The following SRGAP2C variants were observed in gnomAD, a reference collection of about 807,000 sequenced individuals.
SRGAP2C encodes the protein SLIT-ROBO Rho GTPase activating protein 2C, also known as SLIT-ROBO Rho GTPase-activating protein 2C.
A neutral mutation model predicts 25.1 loss-of-function variants in SRGAP2C; 15 were observed. That is an observed-to-expected ratio of 0.60 (90% CI 0.40 to 0.92). The LOEUF is 0.92. Among genes scored for constraint, SRGAP2C ranks in the 40% least tolerant of loss-of-function variants. The probability of loss-of-function intolerance (pLI) is 0.00; values close to 1 mark genes in which losing one functional copy is unlikely to be tolerated. For synonymous variants in SRGAP2C, 44 were observed against 96.6 expected, an observed-to-expected ratio of 0.46 and a Z score of 3.19; for missense variants, 144 against 264.4, an observed-to-expected ratio of 0.54 and a Z score of 3.16.
intron 2 of SRGAP2C, among the ~76,000 whole-genome samples, chr1:121,206,278 A>G (rs1655106779): frequency 6.6e-6 from 1 of 152,054 alleles, no homozygotes; most frequent in African/African-American, 2.4e-5. Flanking sequence ...GCAGCCTGTC[A>G]TTTCAACATT....
At chr1:121,283,920 A>T (rs1657305675) in intron 2 of SRGAP2C, among the ~76,000 whole-genome samples, 1 of 146,888 alleles carries the variant, frequency 6.8e-6, no homozygotes, top group South Asian at 2.2e-4. Flanking sequence ...TTCCAGAGAG[A>T]GTGTTTGCTA....
At chr1:121,196,188 C>T (rs1222453866) in intron 2 of SRGAP2C, among the ~76,000 whole-genome samples, 1 of 49,650 alleles carries the variant, frequency 2.0e-5, no homozygotes, top group Non-Finnish European at 3.6e-5. Context: ...GAGGCTGAGG[C>T]AGGAGAATGG....
chr1:121,265,772 T>C lies in SRGAP2C; in HGVS notation c.68-19031T>C, dbSNP rs1327102728. Reference sequence around the variant, plus strand: ...CTAACAGTTACAAAGCCAATTTGGATATGTTTATCTCTATATCTTATGTCT... The same window carrying C: ...CTAACAGTTACAAAGCCAATTTGGACATGTTTATCTCTATATCTTATGTCT... On this transcript the variant is annotated intron_variant, in intron 2 of 9. Transcript: ENST00000367123. Among the ~76,000 whole-genome samples the C allele has an allele frequency of 8.4e-4, 127 of 152,010 alleles. 3 individuals carry two copies. The highest frequency in any genetic ancestry group is 3.0e-3 in the African/African-American group (123 of 41,524).
intron 2 of SRGAP2C, among the ~76,000 whole-genome samples, chr1:121,223,351 T>G (rs1655581769): frequency 1.5e-5 from 1 of 64,832 alleles, no homozygotes; most frequent in Non-Finnish European, 2.9e-5. Flanking sequence ...TGGGAGGAGT[T>G]TGTGTGTGTG....
intron 2 of SRGAP2C, among the ~76,000 whole-genome samples, chr1:121,201,654 C>T (rs1553321715): frequency 2.6e-5 from 4 of 152,222 alleles, no homozygotes; most frequent in Non-Finnish European, 1.5e-5. Context: ...AAAATGATCT[C>T]ATGTTTATGA....
intron 3 of SRGAP2C, among the ~76,000 whole-genome samples, chr1:121,294,650 T>C (rs1235598558): frequency 1.9e-5 from 2 of 103,036 alleles, no homozygotes; most frequent in African/African-American, 6.9e-5. Flanking sequence ...GCTCACTTGG[T>C]TTTGATCTCC....
At chr1:121,262,820 T>G (rs587595926) in intron 2 of SRGAP2C, among the ~76,000 whole-genome samples, 1 of 151,476 alleles carries the variant, frequency 6.6e-6, no homozygotes, top group Non-Finnish European at 1.5e-5. Context: ...GGTTTTTTTT[T>G]CTAAAATTTG....
intron 2 of SRGAP2C, among the ~76,000 whole-genome samples, chr1:121,262,998 C>A (rs1290267302): frequency 1.3e-5 from 2 of 151,588 alleles, no homozygotes; most frequent in Non-Finnish European, 2.9e-5. Context: ...ACCTGGAGAC[C>A]TGTAAAATAA....
At chr1:121,294,715 G>T (rs1657560973) in intron 3 of SRGAP2C, among the ~76,000 whole-genome samples, 1 of 133,646 alleles carries the variant, frequency 7.5e-6, no homozygotes, top group Non-Finnish European at 1.6e-5. Flanking sequence ...TGAGTTTTTA[G>T]AGCAATACTT....
intron 4 of SRGAP2C, among the ~76,000 whole-genome samples, chr1:121,339,257 T>G (rs1658592746): frequency 7.0e-6 from 1 of 142,958 alleles, no homozygotes; most frequent in Non-Finnish European, 1.5e-5. Context: ...GTTGTCTTTT[T>G]TTTTTTTTTT....
chr1:121,345,598 T>C (rs1265988744), intron 4 of SRGAP2C, among the ~76,000 whole-genome samples: 1 of 151,632 alleles, frequency 6.6e-6, no homozygotes, highest in Non-Finnish European at 1.5e-5. Context: ...GGGGAAAATA[T>C]CACATTTTTT....
At chr1:121,258,127 T>C (rs1362252304) in intron 2 of SRGAP2C, among the ~76,000 whole-genome samples, 1 of 151,174 alleles carries the variant, frequency 6.6e-6, no homozygotes, top group Non-Finnish European at 1.5e-5. Flanking sequence ...TCCTCTATAA[T>C]TGTTTTATGG....
At chr1:121,374,338 C>T (rs1465536282) in intron 6 of SRGAP2C, among the ~76,000 whole-genome samples, 152 bp downstream of exon 6, 4 of 150,988 alleles carry the variant, frequency 2.6e-5, no homozygotes, top group Non-Finnish European at 5.9e-5. Context: ...TTGCTCTGTG[C>T]CCTGGCAGGA....
intron 3 of SRGAP2C, among the ~76,000 whole-genome samples, chr1:121,321,274 G>A (rs1658198294): frequency 7.9e-6 from 1 of 126,820 alleles, no homozygotes; most frequent in Non-Finnish European, 1.6e-5. Context: ...TAATTCCAGA[G>A]TATCTCAGAA....
intron 2 of SRGAP2C, among the ~76,000 whole-genome samples, chr1:121,249,842 G>GT (rs587706069): frequency 3.0e-3 from 10 of 3,330 alleles, no homozygotes; most frequent in African/African-American, 0.012. Context: ...GCCGTGTTTG[G>GT]TTTTTTTTTT....
At chr1:121,335,330 G>A (rs1658487545) in intron 4 of SRGAP2C, among the ~76,000 whole-genome samples, 1 of 139,928 alleles carries the variant, frequency 7.1e-6, no homozygotes, top group Non-Finnish European at 1.5e-5. Context: ...GACAGAGCAA[G>A]ACTCCATCTC....
At chr1:121,265,190 C>T in intron 2 of SRGAP2C, among the ~76,000 whole-genome samples, 1 of 145,550 alleles carries the variant, frequency 6.9e-6, no homozygotes. Context: ...CCAAGTGAGA[C>T]TCTGTCTCAA....
At chr1:121,269,851 T>G (rs1224913045) in intron 2 of SRGAP2C, among the ~76,000 whole-genome samples, 13 of 147,958 alleles carry the variant, frequency 8.8e-5, no homozygotes, top group African/African-American at 3.0e-4. Flanking sequence ...TTTAGTTATA[T>G]CTTCACTTTA....
chr1:121,372,907 GCA>G lies in SRGAP2C; in HGVS notation c.487-1054_487-1053del, dbSNP rs1178616956. On this transcript the variant is annotated intron_variant, in intron 5 of 9. Coordinates refer to ENST00000367123, the MANE Select transcript of SRGAP2C (RefSeq NM_001329984.2). ...CACACACACACACACACACACACAT[GCA>G]CACACACACCCAACTTCTACTCTCT... 5.6e-4 allele frequency among the ~76,000 whole-genome samples: 37 copies of G among 65,872 alleles called. 8 individuals are homozygous for G. The highest frequency in any genetic ancestry group is 2.0e-3 in the African/African-American group (36 of 17,582). The allele number at this position is 65,872 out of a possible 152,430, so 43.2% of individuals were successfully genotyped here. A position where few individuals can be genotyped will look rare whatever the true frequency, so the allele number is the denominator to read the frequency against.
Sources: allele counts gnomAD v4.1 joint callset (sites outside exome capture counted in the v4.1 genomes callset), GRCh38; gene constraint gnomAD v4.1.1; transcripts MANE v1.5; gene names NCBI Gene and HGNC (gene_info 2026-07-23, HGNC 2026-07-21).